Variants in GRID2IP observed in about 807,000 individuals in gnomAD.
The protein encoded by GRID2IP is delphilin.
GRID2IP carries 78 observed loss-of-function variants against 114.3 expected under a neutral mutation model. That is an observed-to-expected ratio of 0.68 (90% CI 0.57 to 0.82). The LOEUF is 0.82. Ranked by LOEUF, GRID2IP falls within the 40% of genes least tolerant of loss-of-function variation. The probability of loss-of-function intolerance (pLI) is 0.00; values close to 1 mark genes in which losing one functional copy is unlikely to be tolerated. For missense variants in GRID2IP, 1,727 were observed against 1,678.5 expected (o/e 1.03, Z -0.51); for synonymous variants, 809 against 724.0 (o/e 1.12, Z -1.89).
intron 14 of GRID2IP, 54 bp from the exon 15 acceptor site, chr7:6,504,924 A>G (rs1260731368): frequency 1.6e-5 from 24 of 1,467,148 alleles, no homozygotes; most frequent in Non-Finnish European, 8.4e-6. Context: ...CTGCAGTGGG[A>G]AGGCCCAGGG....
chr7:6,503,244 G>A (rs1231452388), intron 16 of GRID2IP, 81 bp from the exon 17 acceptor site: 1 of 1,126,816 alleles, frequency 8.9e-7, no homozygotes, highest in South Asian at 1.6e-5. Flanking sequence ...GGTGGGAGGG[G>A]GGGATCTGCT....
In GRID2IP at chr7:6,507,960, C is replaced by T. The variant is rs1298540615; in HGVS notation, c.2544+25G>A. ...CAAGCCATCCTCCCCCAGTACAGAG[C>T]GCTGCTGGGTCCCAGGTCACCTACC... On this transcript the variant is annotated intron_variant, in intron 13 of 21. Coordinates refer to ENST00000457091, the MANE Select transcript of GRID2IP (RefSeq NM_001145118.2). This position sits in a 1 kb window ranked among gnomAD's most constrained non-coding sequence, Gnocchi z 5.3. 1.2e-5 allele frequency: 18 copies of T among 1,548,860 alleles called. No homozygotes were observed. The highest frequency in any genetic ancestry group is 8.3e-5 in the South Asian group (7 of 83,892).
Position 6,508,205 on chromosome 7 carries a change from T to C in GRID2IP, c.2324A>G (p.Asp775Gly), listed in dbSNP as rs1375090986. Reference sequence around the variant, plus strand: ...CGCCTGAGCAGGGCCCCGGGAACCATCAGAGCTGCGGGAGCTGGGCTTAGC... The same window carrying C: ...CGCCTGAGCAGGGCCCCGGGAACCACCAGAGCTGCGGGAGCTGGGCTTAGC... ...HDAKPSSRSS[D>G]GSRGPAQALA... is the part of the protein sequence containing the mutation. The change falls in exon 13 of 22, where the codon GAT becomes GGT. Residue 775 changes from aspartate to glycine, a missense_variant. By Grantham distance (94) the Asp-to-Gly change is moderately conservative. Transcript: ENST00000457091. This position sits in a 1 kb window ranked among gnomAD's most constrained non-coding sequence, Gnocchi z 5.6. 2.0e-6 allele frequency: 3 copies of C among 1,465,294 alleles called. No homozygotes were observed. Among genetic ancestry groups the C allele is most frequent in the East Asian group, 5.5e-5 (2 of 36,146 alleles). The allele number at this position is 1,465,294 out of a possible 1,614,324, so 90.8% of individuals were successfully genotyped here. A position where few individuals can be genotyped will look rare whatever the true frequency, so the allele number is the denominator to read the frequency against.
intron 10 of GRID2IP, 80 bp downstream of exon 10, chr7:6,510,529 G>C: frequency 7.6e-7 from 1 of 1,316,988 alleles, no homozygotes; most frequent in South Asian, 1.5e-5. Flanking sequence ...GCCTTGGCCT[G>C]GGTCTCCTGG....
At chr7:6,537,370 CTTTTTTTTTTTTTT>C (rs772469574) in intron 2 of GRID2IP, among the ~76,000 whole-genome samples, 2 of 58,356 alleles carry the variant, frequency 3.4e-5, no homozygotes, top group Non-Finnish European at 6.1e-5. Context: ...ATGGTGAGAC[CTTTTTTTTTTTTTT>C]TTTTTTTTTT....
At chr7:6,550,306 G>T (rs567971165) in intron 1 of GRID2IP, among the ~76,000 whole-genome samples, 3 of 152,126 alleles carry the variant, frequency 2.0e-5, no homozygotes, top group Admixed American at 6.6e-5. Context: ...CTAATGGGGA[G>T]GATAGACAGA....
chr7:6,545,028 A>T (rs1779866868), intron 1 of GRID2IP, among the ~76,000 whole-genome samples: 1 of 152,184 alleles, frequency 6.6e-6, no homozygotes, highest in African/African-American at 2.4e-5. Context: ...CGGAGCTTGC[A>T]GTAAGCCGAG....
At position 6,511,697 on chromosome 7, in the gene GRID2IP, G is replaced by A. The variant is rs144768870; in HGVS notation, c.1424-658C>T. ...CAAAATAGAAGTTTTTTGAGCCTAC[G>A]CAGATATGTAAGGCATGTGTGGTCC... On this transcript the variant is annotated intron_variant, in intron 8 of 21. Coordinates refer to ENST00000457091, the MANE Select transcript of GRID2IP (RefSeq NM_001145118.2). Among the ~76,000 whole-genome samples the A allele has an allele frequency of 6.2e-3, 938 of 151,984 alleles. 6 individuals are homozygous for A. The highest frequency in any genetic ancestry group is 0.02 in the African/African-American group (823 of 41,452).
rs1317919441 is a variant in GRID2IP at position 6,527,227 on chromosome 7, C to T, written c.585-458G>A. The stretch of plus-strand genomic sequence containing the variant: ...ACTGGAACCCACGAGCCCCTCACCA[C>T]GCCTCCAGTCTTCCTGCTTGCTTCT... On this transcript the variant is annotated intron_variant, in intron 2 of 21. Transcript: ENST00000457091. Among the ~76,000 whole-genome samples, 20 of 152,166 alleles carry T rather than the reference C, an allele frequency of 1.3e-4. 1 individual carries two copies. Among genetic ancestry groups the T allele is most frequent in the Admixed American group, 4.6e-4 (7 of 15,274 alleles).
rs1357967398 is a variant in GRID2IP, at chr7:6,523,102, C to T, written c.920-1145G>A. 6.6e-6 allele frequency among the ~76,000 whole-genome samples: 1 copy of T among 152,128 alleles called. No individual in the cohort carries two copies. The highest frequency in any genetic ancestry group is 2.4e-5 in the African/African-American group (1 of 41,434). ...TACAGGTGTGAGCCACCACGTAGTCCTCTTTCTGCCTCTTTTATGAGTCAT... is the reference window on the plus strand; with the variant it reads ...TACAGGTGTGAGCCACCACGTAGTCTTCTTTCTGCCTCTTTTATGAGTCAT... On this transcript the variant is annotated intron_variant, in intron 4 of 21. Transcript: ENST00000457091. The surrounding 1 kb of genome is among the most constrained non-coding windows in gnomAD (Gnocchi z 4.5).
chr7:6,512,228 C>CTTTTTTTTT, intron 8 of GRID2IP, among the ~76,000 whole-genome samples: 1 of 63,926 alleles, frequency 1.6e-5, no homozygotes, highest in Middle Eastern at 0.01. Context: ...TTTTTCTTTT[C>CTTTTTTTTT]TTCTTTTTTT....
chr7:6,531,819 G>C (rs1779631781), intron 2 of GRID2IP, among the ~76,000 whole-genome samples: 1 of 152,198 alleles, frequency 6.6e-6, no homozygotes, highest in African/African-American at 2.4e-5. Flanking sequence ...CACACCAGGA[G>C]AGGGCTGATG....
rs1465133404 is a variant in GRID2IP at position 6,497,093 on chromosome 7, C to G, written c.*681G>C. Among the ~76,000 whole-genome samples, 1 of 152,226 alleles carries G rather than the reference C, an allele frequency of 6.6e-6. No individual in the cohort carries two copies. ...ACACCTCCCCATTCTGTCTGCTCTACCTTGACCACACCTATTCCACTCCCA... is the reference window on the plus strand; with the variant it reads ...ACACCTCCCCATTCTGTCTGCTCTAGCTTGACCACACCTATTCCACTCCCA... On this transcript the variant is annotated 3_prime_UTR_variant, in exon 22 of 22. Coordinates refer to ENST00000457091, the MANE Select transcript of GRID2IP (RefSeq NM_001145118.2).
At chr7:6,505,077 T>C (rs905597276) in intron 14 of GRID2IP, among the ~76,000 whole-genome samples, 2 of 152,100 alleles carry the variant, frequency 1.3e-5, no homozygotes, top group Non-Finnish European at 2.9e-5. Flanking sequence ...TCCTGTGCAC[T>C]CCCCGTGCTG....
chr7:6,510,832 C>A, intron 9 of GRID2IP, 76 bp downstream of exon 9: 1 of 1,490,574 alleles, frequency 6.7e-7, no homozygotes, highest in Non-Finnish European at 9.1e-7. Flanking sequence ...CCCTGGGATT[C>A]CCCACCTCAC....
chr7:6,522,272 C>T (rs116308358), intron 4 of GRID2IP, among the ~76,000 whole-genome samples: 2 of 152,232 alleles, frequency 1.3e-5, no homozygotes, highest in African/African-American at 4.8e-5. Flanking sequence ...AGACTCTGCA[C>T]GTCTCTGATC....
chr7:6,500,991 G>A (rs990097627), intron 20 of GRID2IP, among the ~76,000 whole-genome samples: 1 of 152,220 alleles, frequency 6.6e-6, no homozygotes, highest in Non-Finnish European at 1.5e-5. Flanking sequence ...TGGTACAGTG[G>A]CTTTGGGGCA....
rs545240778 is a variant in GRID2IP, at chr7:6,516,941, A to G, written c.1269-2412T>C. On this transcript the variant is annotated intron_variant, in intron 7 of 21. Transcript: ENST00000457091. This position sits in a 1 kb window ranked among gnomAD's most constrained non-coding sequence, Gnocchi z 4.3. The stretch of plus-strand genomic sequence containing the variant: ...CATACCCTGCCCCTTTGCCTTGTAC[A>G]CAATAAATAACAGCACGGCCAGGCA... 6.6e-6 allele frequency among the ~76,000 whole-genome samples: 1 copy of G among 151,806 alleles called. No individual in the cohort carries two copies. Among genetic ancestry groups the G allele is most frequent in the South Asian group, 2.1e-4 (1 of 4,784 alleles).
chr7:6,538,506 G>T (rs891164752), intron 2 of GRID2IP, among the ~76,000 whole-genome samples: 1 of 149,034 alleles, frequency 6.7e-6, no homozygotes, highest in Admixed American at 6.7e-5. Flanking sequence ...GTTGGAGGCT[G>T]CAGTGAGCCA....
Sources: allele counts gnomAD v4.1 joint callset (sites outside exome capture counted in the v4.1 genomes callset), GRCh38; gene constraint gnomAD v4.1.1; non-coding constraint Gnocchi (gnomAD v3.1); transcripts MANE v1.5; gene names NCBI Gene and HGNC (gene_info 2026-07-23, HGNC 2026-07-21).